The following SLC38A6 variants were observed in gnomAD, a reference collection of about 807,000 sequenced individuals.
SLC38A6 encodes solute carrier family 38 member 6, also known as N system amino acid transporter NAT-1.
A neutral mutation model predicts 65.0 loss-of-function variants in SLC38A6; 73 were observed. The ratio of observed to expected loss-of-function variants is 1.12; its 90% CI spans 0.93 to 1.37. SLC38A6 has a LOEUF of 1.37. Ranked by LOEUF, SLC38A6 falls within the 40% of genes most tolerant of loss-of-function variation. The probability of loss-of-function intolerance (pLI) is 0.00; values close to 1 mark genes in which losing one functional copy is unlikely to be tolerated. For synonymous variants in SLC38A6, 183 were observed against 178.8 expected (o/e 1.02, Z -0.19); for missense variants, 561 against 531.1 (o/e 1.06, Z -0.55).
At chr14:61,030,638 C>T (rs1350758087) in intron 6 of SLC38A6, 115 bp downstream of exon 6, 1 of 664,788 alleles carries the variant, frequency 1.5e-6, no homozygotes, top group Non-Finnish European at 2.5e-6. Flanking sequence ...TCCTTGCCCT[C>T]AAGACAGTTA....
intron 5 of SLC38A6, 26 bp downstream of exon 5, chr14:61,019,606 A>G: frequency 6.2e-7 from 1 of 1,608,960 alleles, no homozygotes; most frequent in Non-Finnish European, 8.5e-7. Flanking sequence ...TGCACTGTTT[A>G]TACATAAATG....
chr14:60,992,418 G>A (rs1299129623), intron 3 of SLC38A6, among the ~76,000 whole-genome samples: 1 of 151,982 alleles, frequency 6.6e-6, no homozygotes, highest in African/African-American at 2.4e-5. Context: ...AATATTTCTC[G>A]GATCTGCCTA....
intron 3 of SLC38A6, among the ~76,000 whole-genome samples, chr14:60,995,061 T>C (rs78292237): frequency 0.025 from 3,727 of 148,892 alleles, 69 homozygotes; most frequent in Middle Eastern, 0.054. Flanking sequence ...TGAAAAGTCA[T>C]GGAGGAATCT....
Position 61,044,895 on chromosome 14 carries a change from G to A in SLC38A6, c.745-451G>A, listed in dbSNP as rs561442657. On this transcript the variant is annotated intron_variant, in intron 10 of 15. Transcript: ENST00000267488. ...CAGTATTCCCTTGGATTGAGTTCAT[G>A]AAAGCAGGTTCAAGAGCATTAACTA... is the stretch of plus-strand genomic sequence containing the variant. Among the ~76,000 whole-genome samples, 3 of 152,300 alleles carry A rather than the reference G, an allele frequency of 2.0e-5. No homozygotes were observed. In the East Asian group the frequency reaches 5.8e-4, roughly 29 times the overall value.
intron 6 of SLC38A6, among the ~76,000 whole-genome samples, chr14:61,035,483 A>G (rs1269172209): frequency 6.6e-6 from 1 of 152,142 alleles, no homozygotes; most frequent in African/African-American, 2.4e-5. Flanking sequence ...TCAATATTAT[A>G]ATAATATATT....
At chr14:60,992,366 C>G (rs989247114) in intron 3 of SLC38A6, among the ~76,000 whole-genome samples, 1 of 152,178 alleles carries the variant, frequency 6.6e-6, no homozygotes, top group South Asian at 2.1e-4. Context: ...GTTTATATCT[C>G]CTTCACCTCG....
At chr14:61,003,803 T>G (rs2038879769) in intron 3 of SLC38A6, among the ~76,000 whole-genome samples, 1 of 152,120 alleles carries the variant, frequency 6.6e-6, no homozygotes, top group African/African-American at 2.4e-5. Context: ...AATGGAAAAG[T>G]GCTTCTAATT....
chr14:61,073,019 C>T (rs1337808151), intron 15 of SLC38A6, among the ~76,000 whole-genome samples: 1 of 152,154 alleles, frequency 6.6e-6, no homozygotes, highest in African/African-American at 2.4e-5. Flanking sequence ...GTCCCCTTTC[C>T]CCTTTTCTCC....
chr14:61,036,515 C>T (rs1566685355), intron 6 of SLC38A6, among the ~76,000 whole-genome samples: 2 of 151,930 alleles, frequency 1.3e-5, no homozygotes, highest in African/African-American at 2.4e-5. Context: ...ACCTAGATGA[C>T]GGGTTGATAG....
rs2036987862 is a variant in SLC38A6 at position 60,981,286 on chromosome 14, G to C, written c.9G>C (p.Ala3=). ME[A]SWGSFNAERG... The stretch of plus-strand genomic sequence containing the variant: ...GTCAGCTGGAGAGCAGCATGGAGGC[G>C]TCCTGGGGGAGCTTCAACGCTGAGC... Residue 3 remains alanine, a synonymous_variant, in exon 1 of 16, where the codon GCG becomes GCC. Coordinates refer to ENST00000267488, the MANE Select transcript of SLC38A6 (RefSeq NM_153811.3). 1 of 1,604,904 alleles carries C rather than the reference G, an allele frequency of 6.2e-7. No homozygotes were observed. Among genetic ancestry groups the C allele is most frequent in the South Asian group, 1.1e-5 (1 of 88,996 alleles).
chr14:60,984,875 A>T lies in SLC38A6; in HGVS notation c.310+72A>T, dbSNP rs148646365. On this transcript the variant is annotated intron_variant, in intron 3 of 15. Transcript: ENST00000267488. ...AGTTTGTATCTACATATAGAACTGG[A>T]TGTCTCAAATCTAATATCCAGTGAG... 4.5e-6 allele frequency: 6 copies of T among 1,324,870 alleles called. No homozygotes were observed. In the African/African-American group the frequency reaches 8.7e-5, roughly 19 times the overall value. The allele number at this position is 1,324,870 out of a possible 1,614,324, so 82.1% of individuals were successfully genotyped here. A position where few individuals can be genotyped will look rare whatever the true frequency, so the allele number is the denominator to read the frequency against.
intron 3 of SLC38A6, among the ~76,000 whole-genome samples, chr14:60,998,087 G>A (rs1447349656): frequency 1.3e-5 from 2 of 151,102 alleles, no homozygotes; most frequent in Non-Finnish European, 2.9e-5. Flanking sequence ...AAATTTAACA[G>A]TTTAAATATG....
chr14:61,076,320 A>G (rs908894875), intron 15 of SLC38A6, among the ~76,000 whole-genome samples: 2 of 152,254 alleles, frequency 1.3e-5, no homozygotes, highest in African/African-American at 4.8e-5. Flanking sequence ...CATACTTTAA[A>G]TGAATGGAAG....
chr14:61,080,756 C>G (rs902259418), intron 16 of SLC38A6, among the ~76,000 whole-genome samples: 4 of 152,158 alleles, frequency 2.6e-5, no homozygotes, highest in African/African-American at 9.7e-5. Flanking sequence ...TGCACCGGGC[C>G]CTGGTCACTG....
intron 3 of SLC38A6, among the ~76,000 whole-genome samples, chr14:61,003,610 A>G (rs2038861820): frequency 1.3e-5 from 2 of 152,214 alleles, no homozygotes; most frequent in Admixed American, 1.3e-4. Context: ...CAAATGACAG[A>G]GCAGAATTTT....
Position 61,052,149 on chromosome 14 carries a change from G to A in SLC38A6, c.1290+14G>A. ...AAAAAGCTTGGGGTAGGTTGTTTTTGTTTCTTTCTTTCAAGACTTCTATTT... is the reference window on the plus strand; with the variant it reads ...AAAAAGCTTGGGGTAGGTTGTTTTTATTTCTTTCTTTCAAGACTTCTATTT... On this transcript the variant is annotated intron_variant, in intron 15 of 15. Coordinates refer to ENST00000267488, the MANE Select transcript of SLC38A6 (RefSeq NM_153811.3). The A allele has an allele frequency of 6.5e-7, 1 of 1,530,466 alleles. No homozygotes were observed. The highest frequency in any genetic ancestry group is 8.7e-7 in the Non-Finnish European group (1 of 1,145,966). The allele number at this position is 1,530,466 out of a possible 1,614,324, so 94.8% of individuals were successfully genotyped here.
chr14:60,994,144 A>T (rs909107912), intron 3 of SLC38A6, among the ~76,000 whole-genome samples: 1 of 152,264 alleles, frequency 6.6e-6, no homozygotes, highest in Non-Finnish European at 1.5e-5. Context: ...AAAGATGTTA[A>T]TAACAGCCTT....
At chr14:61,000,652 T>A (rs1356953380) in intron 3 of SLC38A6, among the ~76,000 whole-genome samples, 2 of 152,148 alleles carry the variant, frequency 1.3e-5, no homozygotes, top group African/African-American at 4.8e-5. Context: ...AAAAAAATTC[T>A]TTACATAGCT....
At chr14:60,991,979 T>C (rs61990989) in intron 3 of SLC38A6, among the ~76,000 whole-genome samples, 8 of 152,122 alleles carry the variant, frequency 5.3e-5, no homozygotes, top group Admixed American at 3.9e-4. Context: ...CTAAATTGCA[T>C]AGGGACCTAG....
Sources: allele counts gnomAD v4.1 joint callset (sites outside exome capture counted in the v4.1 genomes callset), GRCh38; gene constraint gnomAD v4.1.1; transcripts MANE v1.5; gene names NCBI Gene and HGNC (gene_info 2026-07-23, HGNC 2026-07-21).